CMIP: variants seen among roughly 807,000 people sequenced by gnomAD.
The protein encoded by CMIP is C-Maf-inducing protein.
In CMIP, 13 loss-of-function variants were observed where a neutral mutation model predicts 97.3. The observed-to-expected ratio is 0.13, with a 90% CI of 0.09 to 0.21. The LOEUF is 0.21. Among genes scored for constraint, CMIP ranks in the 10% least tolerant of loss-of-function variants. The probability of loss-of-function intolerance (pLI) is 1.00; values close to 1 mark genes in which losing one functional copy is unlikely to be tolerated. For synonymous variants in CMIP, 538 were observed against 436.3 expected (o/e 1.23, Z -2.91); for missense variants, 847 against 1,024.9 (o/e 0.83, Z 2.37).
intron 13 of CMIP, among the ~76,000 whole-genome samples, chr16:81,695,024 C>T (rs1001869549): frequency 8.5e-5 from 13 of 152,206 alleles, no homozygotes; most frequent in Admixed American, 5.2e-4. Context: ...CAGCCTTTGA[C>T]GCTGGGAGAA....
chr16:81,659,544 C>T (rs1266389209), intron 5 of CMIP, among the ~76,000 whole-genome samples: 1 of 152,116 alleles, frequency 6.6e-6, no homozygotes, highest in Non-Finnish European at 1.5e-5. Flanking sequence ...TGTGCAAAGG[C>T]AAAGTGGTAA....
chr16:81,562,345 C>G (rs2150874499), intron 1 of CMIP, among the ~76,000 whole-genome samples: 1 of 152,366 alleles, frequency 6.6e-6, no homozygotes, highest in Admixed American at 6.5e-5. Flanking sequence ...TCTGGGTCTT[C>G]TTAGTCCTGA....
chr16:81,676,323 AG>A (rs1414589296), intron 9 of CMIP, among the ~76,000 whole-genome samples: 1 of 151,402 alleles, frequency 6.6e-6, no homozygotes, highest in East Asian at 2.0e-4. Context: ...CCCCTCAGCC[AG>A]TCCCTTCAAG....
chr16:81,491,360 C>T (rs950681146), intron 1 of CMIP, among the ~76,000 whole-genome samples: 3 of 152,270 alleles, frequency 2.0e-5, no homozygotes, highest in South Asian at 2.1e-4. Context: ...TCTGAGTCCT[C>T]GTTTTCTTGG....
At chr16:81,693,303 T>G (rs898902230) in intron 12 of CMIP, 119 bp downstream of exon 12, 1 of 1,400,034 alleles carries the variant, frequency 7.1e-7, no homozygotes, top group African/African-American at 1.4e-5. Context: ...GCAGTTCTCT[T>G]GAGACACGTG....
intron 9 of CMIP, among the ~76,000 whole-genome samples, chr16:81,676,783 G>GCC (rs1904325115): frequency 2.0e-5 from 3 of 152,150 alleles, no homozygotes; most frequent in Non-Finnish European, 4.4e-5. Flanking sequence ...ACAGCCCTTG[G>GCC]AGGGGCTATT....
intron 1 of CMIP, among the ~76,000 whole-genome samples, chr16:81,588,175 C>G (rs72829079): frequency 0.081 from 12,340 of 152,230 alleles, 661 homozygotes; most frequent in East Asian, 0.3. Flanking sequence ...CTGGGCCGAT[C>G]ACCCCAAGCT....
At chr16:81,640,927 A>G (rs1344992339) in intron 3 of CMIP, among the ~76,000 whole-genome samples, 1 of 152,124 alleles carries the variant, frequency 6.6e-6, no homozygotes, top group Non-Finnish European at 1.5e-5. Flanking sequence ...ACTTGGACAT[A>G]TGTTTTGGGC....
intron 1 of CMIP, among the ~76,000 whole-genome samples, chr16:81,461,582 T>G (rs1478291293): frequency 3.9e-5 from 6 of 152,224 alleles, no homozygotes; most frequent in Admixed American, 2.0e-4. Flanking sequence ...CTGCATAGAT[T>G]AGGAACTTAA....
At chr16:81,474,072 C>T (rs765429692) in intron 1 of CMIP, among the ~76,000 whole-genome samples, 10 of 152,080 alleles carry the variant, frequency 6.6e-5, no homozygotes, top group Admixed American at 3.9e-4. Flanking sequence ...GGCCTTTAAC[C>T]GGGCACTCCT....
chr16:81,690,267 T>C (rs1905904638), intron 10 of CMIP, among the ~76,000 whole-genome samples: 1 of 152,230 alleles, frequency 6.6e-6, no homozygotes, highest in Non-Finnish European at 1.5e-5. Flanking sequence ...TTTCACGATA[T>C]TGATTCTTCC....
At chr16:81,600,020 C>T (rs954543308) in intron 1 of CMIP, among the ~76,000 whole-genome samples, 2 of 151,806 alleles carry the variant, frequency 1.3e-5, no homozygotes, top group African/African-American at 2.4e-5. Flanking sequence ...GTGGCTCACG[C>T]CTGTAATCCC....
chr16:81,469,533 A>G (rs970907235), intron 1 of CMIP, among the ~76,000 whole-genome samples: 1 of 152,166 alleles, frequency 6.6e-6, no homozygotes, highest in East Asian at 1.9e-4. Flanking sequence ...TGTCATTGCT[A>G]CTGTTACCAA....
At position 81,655,268 on chromosome 16, in the gene CMIP, C is replaced by G. The variant is rs1280445904; in HGVS notation, c.640-2507C>G. 2.6e-5 allele frequency among the ~76,000 whole-genome samples: 4 copies of G among 152,134 alleles called. No homozygotes were observed. The highest frequency in any genetic ancestry group is 5.9e-5 in the Non-Finnish European group (4 of 68,042). ...CTGTTTGCCCAAGTTGTTTGCAAGGCCTCCTCTGGAGAGGTTCCAGGCATC... is the reference window on the plus strand; with the variant it reads ...CTGTTTGCCCAAGTTGTTTGCAAGGGCTCCTCTGGAGAGGTTCCAGGCATC... On this transcript the variant is annotated intron_variant, in intron 4 of 20. Transcript: ENST00000537098. The surrounding 1 kb of genome is among the most constrained non-coding windows in gnomAD (Gnocchi z 4.9).
intron 19 of CMIP, among the ~76,000 whole-genome samples, chr16:81,706,586 G>C (rs1030309304): frequency 6.6e-6 from 1 of 152,224 alleles, no homozygotes; most frequent in Admixed American, 6.5e-5. Context: ...TCTGCCCCCC[G>C]TGCGACTCCA....
At chr16:81,658,908 G>A (rs1336041450) in intron 5 of CMIP, among the ~76,000 whole-genome samples, 1 of 152,230 alleles carries the variant, frequency 6.6e-6, no homozygotes, top group African/African-American at 2.4e-5. Flanking sequence ...GTCGGCCCTG[G>A]CAAGCCTAGC....
At chr16:81,588,626 A>G (rs1044805684) in intron 1 of CMIP, among the ~76,000 whole-genome samples, 3 of 152,052 alleles carry the variant, frequency 2.0e-5, no homozygotes, top group African/African-American at 7.2e-5. Context: ...GTTCTCTGTT[A>G]TCTGCTTGGT....
intron 1 of CMIP, among the ~76,000 whole-genome samples, chr16:81,539,089 C>G (rs907160879): frequency 6.6e-6 from 1 of 152,206 alleles, no homozygotes; most frequent in Non-Finnish European, 1.5e-5. Flanking sequence ...TCAGGCAGCT[C>G]AGATTCTCCA....
At position 81,564,441 on chromosome 16, in the gene CMIP, A is replaced by G. The variant is rs574438929; in HGVS notation, c.301-43126A>G. ...GCAGAAATAAAACCACAAAGCTATT[A>G]CAGAGGAATCTAGTCTTCCATGTAA... On this transcript the variant is annotated intron_variant, in intron 1 of 20. Transcript: ENST00000537098. Among the ~76,000 whole-genome samples the G allele has an allele frequency of 3.3e-5, 5 of 152,342 alleles. No individual in the cohort carries two copies. In the East Asian group the frequency reaches 5.8e-4, roughly 18 times the overall value.
Sources: gnomAD v4.1 joint callset for allele counts (sites outside exome capture counted in the v4.1 genomes callset) on GRCh38, gnomAD v4.1.1 for gene constraint, Gnocchi (gnomAD v3.1) non-coding constraint, MANE v1.5 for transcripts, NCBI Gene and HGNC (gene_info 2026-07-23, HGNC 2026-07-21) for gene names.